The following MYO5C variants were observed in gnomAD, a reference collection of about 807,000 sequenced individuals.
MYO5C encodes unconventional myosin-Vc.
In MYO5C, 194 loss-of-function variants were observed where a neutral mutation model predicts 235.7. That is an observed-to-expected ratio of 0.82 (90% CI 0.73 to 0.93). The LOEUF is 0.93. MYO5C is among the 40% of genes least tolerant of loss of function. The pLI is 0.00. For synonymous variants in MYO5C, 707 were observed against 754.8 expected (o/e 0.94, Z 1.04); for missense variants, 2,038 against 2,127.2 (o/e 0.96, Z 0.82).
At chr15:52,269,216 C>T (rs1016147228) in intron 8 of MYO5C, among the ~76,000 whole-genome samples, 3 of 152,222 alleles carry the variant, frequency 2.0e-5, no homozygotes, top group African/African-American at 7.2e-5. Context: ...ATGCCTCTCA[C>T]AGCCGAGCCA....
intron 17 of MYO5C, 119 bp downstream of exon 17, chr15:52,245,837 G>T: frequency 1.2e-6 from 1 of 864,486 alleles, no homozygotes; most frequent in Non-Finnish European, 1.9e-6. Context: ...GGAAAATCTT[G>T]GGGGCACTTT....
intron 11 of MYO5C, among the ~76,000 whole-genome samples, chr15:52,255,640 C>T (rs2036563813): frequency 6.6e-6 from 1 of 152,166 alleles, no homozygotes; most frequent in Non-Finnish European, 1.5e-5. Context: ...AGAAAGGCGT[C>T]AGTACTGTTG....
intron 1 of MYO5C, among the ~76,000 whole-genome samples, chr15:52,284,886 C>A (rs1299665667): frequency 6.7e-6 from 1 of 148,414 alleles, no homozygotes; most frequent in African/African-American, 2.5e-5. Context: ...GTGGCCCAGG[C>A]TGGAGTGCAG....
rs1476825097 is a variant in MYO5C, at chr15:52,232,675, G to A, written c.2973C>T (p.Asp991=). The change falls in exon 24 of 41, where the codon GAC becomes GAT. Residue 991 remains aspartate, a synonymous_variant. Coordinates refer to ENST00000261839, the MANE Select transcript of MYO5C (RefSeq NM_018728.4). ...CATCAAAGAGCTGCTTGGTGAGGTT[G>A]TCCATTTTTTCTGTAAAAAGAGAAT... ...EKTEELKEKM[D]NLTKQLFDDV... The A allele has an allele frequency of 6.2e-7, 1 of 1,613,742 alleles. No homozygotes were observed. The highest frequency in any genetic ancestry group is 8.5e-7 in the Non-Finnish European group (1 of 1,179,916).
chr15:52,206,645 C>A (rs143748845), intron 36 of MYO5C, among the ~76,000 whole-genome samples: 74 of 152,232 alleles, frequency 4.9e-4, no homozygotes, highest in Non-Finnish European at 9.0e-4. Flanking sequence ...GTCAGCAAGC[C>A]AGGAAGAGAG....
rs1340993580 is a variant in MYO5C at position 52,211,862 on chromosome 15, C to T, written c.4164G>A (p.Val1388=). The T allele has an allele frequency of 1.9e-6, 3 of 1,613,940 alleles. No individual in the cohort carries two copies. The highest frequency in any genetic ancestry group is 1.6e-4 in the Middle Eastern group (1 of 6,072). ...LILDLKPRGV[V]VNMIPGLPAH... Reference sequence around the variant, plus strand: ...CCGGCAGCCCGGGGATCATGTTCACCACCACGCCACGGGGCTTCAAGTCTG... The same window carrying T: ...CCGGCAGCCCGGGGATCATGTTCACTACCACGCCACGGGGCTTCAAGTCTG... Residue 1388 remains valine, a synonymous_variant, in exon 35 of 41, where the codon GTG becomes GTA. Coordinates refer to ENST00000261839, the MANE Select transcript of MYO5C (RefSeq NM_018728.4).
intron 32 of MYO5C, among the ~76,000 whole-genome samples, chr15:52,216,305 C>T (rs576304232): frequency 6.6e-6 from 1 of 152,248 alleles, no homozygotes; most frequent in Non-Finnish European, 1.5e-5. Context: ...GCCTCAATCT[C>T]CTGGGCTCAA....
intron 20 of MYO5C, 123 bp from the exon 21 acceptor site, chr15:52,240,002 C>T: frequency 1.0e-6 from 1 of 994,500 alleles, no homozygotes; most frequent in Middle Eastern, 3.2e-4. Flanking sequence ...TCAACCTGCA[C>T]AGCCGTATTA....
At chr15:52,251,319 G>A in intron 13 of MYO5C, 71 bp downstream of exon 13, 1 of 1,423,532 alleles carries the variant, frequency 7.0e-7, no homozygotes, top group African/African-American at 1.4e-5. Context: ...AAACATTCCT[G>A]GCCTGCCTAC....
chr15:52,264,068 T>C (rs1370294936), intron 9 of MYO5C, 122 bp downstream of exon 9: 1 of 674,744 alleles, frequency 1.5e-6, no homozygotes, highest in East Asian at 2.8e-5. Context: ...CTGCCTCCTG[T>C]TAAACCAGTC....
Position 52,264,250 on chromosome 15 carries a change from G to A in MYO5C, c.987C>T (p.Ala329=), listed in dbSNP as rs1472062746. The change falls in exon 9 of 41, where the codon GCC becomes GCT. Residue 329 remains alanine (A), a synonymous_variant. Transcript: ENST00000261839. ...FQMDVFKILA[A]ILHLGNVQIT... is the part of the protein sequence containing the mutation. ...TCTGCACATTGCCCAGATGTAGGAT[G>A]GCTGCCAGGATTTTAAAAACGTCCA... is the stretch of plus-strand genomic sequence containing the variant. 1 of 1,614,182 alleles carries A rather than the reference G, an allele frequency of 6.2e-7. No homozygotes were observed. The highest frequency in any genetic ancestry group is 1.7e-5 in the Admixed American group (1 of 60,024).
intron 32 of MYO5C, among the ~76,000 whole-genome samples, chr15:52,215,956 T>C (rs2035542307): frequency 6.6e-6 from 1 of 152,156 alleles, no homozygotes; most frequent in Admixed American, 6.5e-5. Flanking sequence ...GCTTTTTTTC[T>C]CTATGATTAA....
chr15:52,234,900 T>C lies in MYO5C; in HGVS notation c.2962+770A>G, dbSNP rs143118779. On this transcript the variant is annotated intron_variant, in intron 23 of 40. Coordinates refer to ENST00000261839, the MANE Select transcript of MYO5C (RefSeq NM_018728.4). Reference sequence around the variant, plus strand: ...GAATCCCCAGGCCTGAACCCTCGTGTTCCTGCTGCCCCCACGTTGGAGCTC... The same window carrying C: ...GAATCCCCAGGCCTGAACCCTCGTGCTCCTGCTGCCCCCACGTTGGAGCTC... 2.0e-4 allele frequency among the ~76,000 whole-genome samples: 31 copies of C among 152,278 alleles called. No homozygotes were observed. In the East Asian group the frequency reaches 6.0e-3, roughly 29 times the overall value.
chr15:52,226,075 T>G (rs1246421616), intron 25 of MYO5C, among the ~76,000 whole-genome samples: 1 of 149,906 alleles, frequency 6.7e-6, no homozygotes, highest in Non-Finnish European at 1.5e-5. Context: ...TTAACTTCCC[T>G]GTTACATAAA....
At chr15:52,219,422 A>G (rs187789736) in intron 31 of MYO5C, among the ~76,000 whole-genome samples, 2 of 152,340 alleles carry the variant, frequency 1.3e-5, no homozygotes, top group South Asian at 2.1e-4. Flanking sequence ...AGATAATTCA[A>G]GTGCATGGTA....
chr15:52,293,121 C>T lies in MYO5C; in HGVS notation c.27+2489G>A, dbSNP rs115895735. On this transcript the variant is annotated intron_variant, in intron 1 of 40. Coordinates refer to ENST00000261839, the MANE Select transcript of MYO5C (RefSeq NM_018728.4). ...CATTTCTAAGGCATGGCACCTGTAG[C>T]TTTTCAAAAGAGATGGATGATTTTA... is the stretch of plus-strand genomic sequence containing the variant. Among the ~76,000 whole-genome samples, 595 of 152,316 alleles carry T rather than the reference C, an allele frequency of 3.9e-3. 3 individuals carry two copies. Among genetic ancestry groups the T allele is most frequent in the African/African-American group, 0.012 (516 of 41,568 alleles).
chr15:52,199,408 G>A (rs188773962), intron 38 of MYO5C, among the ~76,000 whole-genome samples: 320 of 152,296 alleles, frequency 2.1e-3, no homozygotes, highest in Non-Finnish European at 3.5e-3. Context: ...TATAAAGCCT[G>A]AATGGAATGC....
intron 13 of MYO5C, 29 bp downstream of exon 13, chr15:52,251,361 G>C: frequency 6.3e-7 from 1 of 1,576,370 alleles, no homozygotes; most frequent in Non-Finnish European, 8.6e-7. Context: ...TTCCGGGGTT[G>C]ACAGCATTGA....
rs949517344 is a variant in MYO5C, at chr15:52,193,744, T to C, written c.*158A>G. 7.0e-6 allele frequency: 5 copies of C among 716,170 alleles called. No homozygotes were observed. The highest frequency in any genetic ancestry group is 2.8e-5 in the Admixed American group (1 of 35,794). The allele number at this position is 716,170 out of a possible 1,614,324, so 44.4% of individuals were successfully genotyped here. ...TTCTTACAAAATTACAGGAGCAGCATTGTCACTGTGAGTGAGAGATGATGT... is the reference window on the plus strand; with the variant it reads ...TTCTTACAAAATTACAGGAGCAGCACTGTCACTGTGAGTGAGAGATGATGT... On this transcript the variant is annotated 3_prime_UTR_variant, in exon 41 of 41. Transcript: ENST00000261839.
Sources: gnomAD v4.1 joint callset for allele counts (sites outside exome capture counted in the v4.1 genomes callset) on GRCh38, gnomAD v4.1.1 for gene constraint, MANE v1.5 for transcripts, NCBI Gene and HGNC (gene_info 2026-07-23, HGNC 2026-07-21) for gene names.